The following CLSTN1 variants were observed in gnomAD, a reference collection of about 807,000 sequenced individuals.
CLSTN1 encodes the protein calsyntenin 1.
CLSTN1 carries 28 observed loss-of-function variants against 108.3 expected under a neutral mutation model. The observed-to-expected ratio is 0.26, with a 90% CI of 0.19 to 0.35. CLSTN1 has a LOEUF of 0.35. CLSTN1 is among the 10% of genes least tolerant of loss of function. CLSTN1 has a pLI of 1.00. For missense variants in CLSTN1, 1,157 were observed against 1,302.6 expected, an observed-to-expected ratio of 0.89 and a Z score of 1.72; for synonymous variants, 524 against 534.9, an observed-to-expected ratio of 0.98 and a Z score of 0.28.
At chr1:9,781,307 C>A in intron 1 of CLSTN1, 1 of 641,108 alleles carries the variant, frequency 1.6e-6, no homozygotes, top group Non-Finnish European at 2.8e-6. Flanking sequence ...GCACTGTAGT[C>A]GAGAATGTAC....
intron 4 of CLSTN1, among the ~76,000 whole-genome samples, chr1:9,753,871 G>A (rs1337858752): frequency 6.6e-6 from 1 of 151,762 alleles, no homozygotes; most frequent in African/African-American, 2.4e-5. Context: ...GGAGTACAGT[G>A]GCACAATCAT....
rs117227094 is a variant in CLSTN1 at position 9,753,187 on chromosome 1, C to T, written c.441-1506G>A. Among the ~76,000 whole-genome samples, 658 of 152,324 alleles carry T rather than the reference C, an allele frequency of 4.3e-3. 12 individuals are homozygous for T. Among genetic ancestry groups the T allele is most frequent in the East Asian group, 0.042 (219 of 5,184 alleles). ...AGGAGCGCACAACCTAGATCCCTGG[C>T]ATGCTCAGTTCACAACAGGGTTCGC... On this transcript the variant is annotated intron_variant, in intron 4 of 18. Coordinates refer to ENST00000377298, the MANE Select transcript of CLSTN1 (RefSeq NM_001009566.3).
chr1:9,749,132 G>A (rs1392486293), intron 7 of CLSTN1, among the ~76,000 whole-genome samples: 2 of 151,974 alleles, frequency 1.3e-5, no homozygotes, highest in African/African-American at 4.8e-5. Context: ...TCAAACTCCT[G>A]GGCTCAAGTG....
intron 2 of CLSTN1, among the ~76,000 whole-genome samples, chr1:9,760,801 T>C (rs1323516830): frequency 6.6e-6 from 1 of 150,526 alleles, no homozygotes; most frequent in Non-Finnish European, 1.5e-5. Flanking sequence ...AGAGCTGGGA[T>C]TACAGGCATG....
intron 1 of CLSTN1, among the ~76,000 whole-genome samples, chr1:9,800,256 G>A (rs1243803346): frequency 6.6e-6 from 1 of 151,628 alleles, no homozygotes; most frequent in Non-Finnish European, 1.5e-5. Context: ...ACTGAAAACA[G>A]GAACTCAATA....
intron 1 of CLSTN1, among the ~76,000 whole-genome samples, chr1:9,806,174 C>A (rs1184215577): frequency 6.6e-6 from 1 of 150,860 alleles, no homozygotes; most frequent in African/African-American, 2.5e-5. Context: ...CCTGTAATCC[C>A]AGCTACTCCA....
At chr1:9,763,431 G>A (rs931639256) in intron 2 of CLSTN1, among the ~76,000 whole-genome samples, 2 of 152,188 alleles carry the variant, frequency 1.3e-5, no homozygotes, top group East Asian at 1.9e-4. Flanking sequence ...TTCTGACTTG[G>A]TGGTTCTAGG....
intron 1 of CLSTN1, among the ~76,000 whole-genome samples, chr1:9,814,413 TTAAG>T (rs1467419434): frequency 2.0e-5 from 3 of 151,826 alleles, no homozygotes; most frequent in African/African-American, 4.8e-5. Flanking sequence ...TTGCTATACT[TTAAG>T]TATGTAAACA....
Position 9,734,762 on chromosome 1 carries a change from T to C in CLSTN1, c.2110+186A>G, listed in dbSNP as rs1650593492. The stretch of plus-strand genomic sequence containing the variant: ...GGAAAAGATGTAAGACCCCTCCAGA[T>C]GGGATTCCAGAGATCACCATGAGCT... On this transcript the variant is annotated intron_variant, in intron 14 of 18. Transcript: ENST00000377298. The surrounding 1 kb of genome is among the most constrained non-coding windows in gnomAD (Gnocchi z 4.8). 6.6e-6 allele frequency among the ~76,000 whole-genome samples: 1 copy of C among 151,970 alleles called. No individual in the cohort carries two copies. Among genetic ancestry groups the C allele is most frequent in the South Asian group, 2.1e-4 (1 of 4,818 alleles).
In CLSTN1 at chr1:9,730,084, A is replaced by C; in HGVS notation, c.*424T>G. 1 of 210,478 alleles carries C rather than the reference A, an allele frequency of 4.8e-6. No individual in the cohort carries two copies. The highest frequency in any genetic ancestry group is 9.8e-6 in the Non-Finnish European group (1 of 101,534). 13.0% of individuals were successfully genotyped at this position (210,478 alleles called of 1,614,324 possible). A position where few individuals can be genotyped will look rare whatever the true frequency, so the allele number is the denominator to read the frequency against. On this transcript the variant is annotated 3_prime_UTR_variant, in exon 19 of 19. Coordinates refer to ENST00000377298, the MANE Select transcript of CLSTN1 (RefSeq NM_001009566.3). The surrounding 1 kb of genome is among the most constrained non-coding windows in gnomAD (Gnocchi z 5.6). ...TTATTTATACATGCACTAGTTTGGA[A>C]AAAATAAAAACTTTTTTTAAAAAAA...
Position 9,744,553 on chromosome 1 carries a change from C to T in CLSTN1, c.1076G>A (p.Ser359Asn). ...MGLPTDNGHDSDQVFEFNGTQ... is the reference protein window; with the variant it reads ...MGLPTDNGHDNDQVFEFNGTQ... ...GCCGTTGAACTCAAACACCTGGTCG[C>T]TGTCGTGGCCATTGTCGGTGGGCAG... The change falls in exon 8 of 19, where the codon AGC (serine) becomes AAC (asparagine). Residue 359 changes from serine (S) to asparagine (N), a missense_variant. Physicochemically the swap from Ser to Asn is conservative, Grantham distance 46. Coordinates refer to ENST00000377298, the MANE Select transcript of CLSTN1 (RefSeq NM_001009566.3). The T allele has an allele frequency of 6.2e-7, 1 of 1,613,726 alleles. No homozygotes were observed. The highest frequency in any genetic ancestry group is 8.5e-7 in the Non-Finnish European group (1 of 1,180,002).
chr1:9,817,734 C>A (rs1305325958), intron 1 of CLSTN1, among the ~76,000 whole-genome samples: 5 of 152,214 alleles, frequency 3.3e-5, no homozygotes, highest in South Asian at 4.1e-4. Flanking sequence ...AGTAACAGAT[C>A]TTGTGAAAAT....
chr1:9,808,335 C>T (rs1654591713), intron 1 of CLSTN1, among the ~76,000 whole-genome samples: 2 of 152,180 alleles, frequency 1.3e-5, no homozygotes, highest in African/African-American at 2.4e-5. Context: ...TGAGCGTGAA[C>T]GCATGTGCAT....
intron 1 of CLSTN1, among the ~76,000 whole-genome samples, chr1:9,795,664 A>G (rs903392663): frequency 6.6e-6 from 1 of 151,440 alleles, no homozygotes; most frequent in African/African-American, 2.4e-5. Flanking sequence ...AAGGAAATAA[A>G]GGACACTGGC....
intron 3 of CLSTN1, among the ~76,000 whole-genome samples, chr1:9,756,109 G>A (rs1279086827): frequency 1.3e-5 from 2 of 152,174 alleles, no homozygotes; most frequent in African/African-American, 4.8e-5. Context: ...GTCCATGGGA[G>A]AACAGTATAA....
intron 1 of CLSTN1, chr1:9,780,997 T>C (rs1653217005): frequency 2.1e-6 from 1 of 481,810 alleles, no homozygotes; most frequent in African/African-American, 2.0e-5. Context: ...TGTCGGTGCT[T>C]AAAAAGTTTC....
chr1:9,805,556 G>A lies in CLSTN1; in HGVS notation c.91+18087C>T, dbSNP rs560353550. Among the ~76,000 whole-genome samples the A allele has an allele frequency of 2.0e-5, 3 of 152,246 alleles. No homozygotes were observed. The South Asian group carries it at 6.2e-4, about 32-fold the overall frequency. On this transcript the variant is annotated intron_variant, in intron 1 of 18. Transcript: ENST00000377298. Reference sequence around the variant, plus strand: ...AGTTGTTTCTGGTTTTTGGAAAACAGTTAATTTTCACTAAAAATGTGTTAT... The same window carrying A: ...AGTTGTTTCTGGTTTTTGGAAAACAATTAATTTTCACTAAAAATGTGTTAT...
chr1:9,788,664 G>A (rs1028471175), intron 1 of CLSTN1, among the ~76,000 whole-genome samples: 8 of 151,112 alleles, frequency 5.3e-5, no homozygotes, highest in Admixed American at 2.0e-4. Flanking sequence ...TCAGGAGATC[G>A]AGACCATCCT....
chr1:9,809,400 G>A (rs530369433), intron 1 of CLSTN1, among the ~76,000 whole-genome samples: 101 of 152,250 alleles, frequency 6.6e-4, no homozygotes, highest in African/African-American at 2.3e-3. Context: ...ACTCTGCACC[G>A]TGCATTCCTG....
Sources: allele counts gnomAD v4.1 joint callset (sites outside exome capture counted in the v4.1 genomes callset), GRCh38; gene constraint gnomAD v4.1.1; non-coding constraint Gnocchi (gnomAD v3.1); transcripts MANE v1.5; gene names NCBI Gene and HGNC (gene_info 2026-07-23, HGNC 2026-07-21).